Variants in GTF2IRD2B observed in about 807,000 individuals in gnomAD.
GTF2IRD2B encodes general transcription factor II-I repeat domain-containing protein 2B.
A neutral mutation model predicts 55.6 loss-of-function variants in GTF2IRD2B; 10 were observed. The observed-to-expected ratio is 0.18, with a 90% CI of 0.11 to 0.31. The LOEUF is 0.31. GTF2IRD2B is among the 10% of genes least tolerant of loss of function. The probability of loss-of-function intolerance (pLI) is 1.00; values close to 1 mark genes in which losing one functional copy is unlikely to be tolerated. For missense variants in GTF2IRD2B, 206 were observed against 802.7 expected, an observed-to-expected ratio of 0.26 and a Z score of 8.98; for synonymous variants, 107 against 320.5, an observed-to-expected ratio of 0.33 and a Z score of 7.12.
chr7:75,123,096 T>C lies in GTF2IRD2B; in HGVS notation c.359-40T>C, dbSNP rs781881441. 4 of 1,555,574 alleles carry C rather than the reference T, an allele frequency of 2.6e-6. No homozygotes were observed. The East Asian group carries it at 9.0e-5, about 35-fold the overall frequency. ...CAAAAAAAAAAAACTGGTAGAACGT[T>C]AGGTTCACACCATCCAAAGACGTTT... On this transcript the variant is annotated intron_variant, in intron 4 of 15. Coordinates refer to ENST00000472837, the MANE Select transcript of GTF2IRD2B (RefSeq NM_001003795.3).
rs148535389 is a variant in GTF2IRD2B, at chr7:75,148,242, G to A, written c.1795G>A (p.Val599Ile). Residue 599 changes from valine to isoleucine, a missense_variant, in exon 16 of 16, where the codon GTT (valine) becomes ATT (isoleucine). Transcript: ENST00000472837. ...ATCTGGCAACGAGATCTTTTTGCGT[G>A]TTGAGAAGAGCCTGAAAAAGTTCTG... The part of the protein sequence containing the change: ...TKSGNEIFLR[V>I]EKSLKKFCIN... 6.2e-6 allele frequency: 10 copies of A among 1,613,798 alleles called. No homozygotes were observed. In the African/African-American group the frequency reaches 1.1e-4, roughly 17 times the overall value.
Position 75,112,497 on chromosome 7 carries a change from A to C in GTF2IRD2B, c.200A>C (p.Asn67Thr). The C allele has an allele frequency of 3.5e-6, 3 of 850,030 alleles. No homozygotes were observed. Among genetic ancestry groups the C allele is most frequent in the Non-Finnish European group, 5.4e-6 (3 of 558,654 alleles). The allele number at this position is 850,030 out of a possible 1,614,324, so 52.7% of individuals were successfully genotyped here. The change falls in exon 3 of 16, where the codon AAT (asparagine) becomes ACT (threonine). Residue 67 changes from asparagine (N) to threonine (T), a missense_variant. Asn to Thr is a moderately conservative substitution (Grantham distance 65). Coordinates refer to ENST00000472837, the MANE Select transcript of GTF2IRD2B (RefSeq NM_001003795.3). ...VGTERGCAFV[N>T]ARTDFQKDFA... ...ACCGAGAGAGGATGCGCTTTTGTTA[A>C]TGCCAGGACGGATTTTCAGAAAGAT...
Position 75,149,317 on chromosome 7 carries a change from A to G in GTF2IRD2B, c.*20A>G. 1 of 739,006 alleles carries G rather than the reference A, an allele frequency of 1.4e-6. No homozygotes were observed. The highest frequency in any genetic ancestry group is 1.5e-5 in the South Asian group (1 of 67,254). The allele number at this position is 739,006 out of a possible 1,614,324, so 45.8% of individuals were successfully genotyped here. On this transcript the variant is annotated 3_prime_UTR_variant, in exon 16 of 16. Coordinates refer to ENST00000472837, the MANE Select transcript of GTF2IRD2B (RefSeq NM_001003795.3). ...ACGTGATGGAGAGAAAACTCCTGGC[A>G]GGGCCCTATGGTGGGAAAGGCTGGA...
At position 75,114,360 on chromosome 7, in the gene GTF2IRD2B, C is replaced by T. The variant is rs868993380; in HGVS notation, c.238+1825C>T. 3.2e-4 allele frequency among the ~76,000 whole-genome samples: 48 copies of T among 151,332 alleles called. 2 individuals are homozygous for T. Among genetic ancestry groups the T allele is most frequent in the Middle Eastern group, 6.8e-3 (2 of 292 alleles). On this transcript the variant is annotated intron_variant, in intron 3 of 15. Transcript: ENST00000472837. Reference sequence around the variant, plus strand: ...CATAGTTGCATGTTAATTTTGTTGTCGCAAATATTTTCTCTAGTATTCATC... The same window carrying T: ...CATAGTTGCATGTTAATTTTGTTGTTGCAAATATTTTCTCTAGTATTCATC...
intron 1 of GTF2IRD2B, among the ~76,000 whole-genome samples, chr7:75,101,428 C>T (rs1183081055): frequency 2.0e-5 from 3 of 150,200 alleles, no homozygotes; most frequent in African/African-American, 7.3e-5. Flanking sequence ...AGCTGAGTGT[C>T]GTGGCACATG....
At chr7:75,130,141 CTTT>C (rs1808624879) in intron 8 of GTF2IRD2B, among the ~76,000 whole-genome samples, 4 of 107,838 alleles carry the variant, frequency 3.7e-5, no homozygotes, top group Admixed American at 2.1e-4. Context: ...TTCTTTCTTT[CTTT>C]CTTTCCTTCT....
In GTF2IRD2B at chr7:75,105,457, T is replaced by G. The variant is rs1351372425; in HGVS notation, c.-5-3503T>G. 1.4e-4 allele frequency among the ~76,000 whole-genome samples: 22 copies of G among 152,390 alleles called. No individual in the cohort carries two copies. In the East Asian group the frequency reaches 1.5e-3, roughly 11 times the overall value. ...AGGCAGAGTTTGCAATGAGCTGAGATCGTGCCACTGCACTCTAGCCTGGGT... is the reference window on the plus strand; with the variant it reads ...AGGCAGAGTTTGCAATGAGCTGAGAGCGTGCCACTGCACTCTAGCCTGGGT... On this transcript the variant is annotated intron_variant, in intron 1 of 15. Coordinates refer to ENST00000472837, the MANE Select transcript of GTF2IRD2B (RefSeq NM_001003795.3).
At chr7:75,114,286 C>G (rs2115738475) in intron 3 of GTF2IRD2B, among the ~76,000 whole-genome samples, 1 of 151,540 alleles carries the variant, frequency 6.6e-6, no homozygotes, top group Non-Finnish European at 1.5e-5. Flanking sequence ...TGTCAGATGC[C>G]AGTTGAATTT....
chr7:75,132,727 A>G (rs1315354433), intron 8 of GTF2IRD2B, among the ~76,000 whole-genome samples: 1 of 145,322 alleles, frequency 6.9e-6, no homozygotes, highest in African/African-American at 2.8e-5. Context: ...TAATTTTTGT[A>G]GTTTTAGTAG....
chr7:75,102,209 G>T (rs1554449612), intron 1 of GTF2IRD2B, among the ~76,000 whole-genome samples: 1 of 151,188 alleles, frequency 6.6e-6, no homozygotes, highest in African/African-American at 2.4e-5. Context: ...CACCAAGTTG[G>T]CCAGGATGGT....
chr7:75,134,813 C>T (rs1195919644), intron 9 of GTF2IRD2B, among the ~76,000 whole-genome samples, 188 bp from the exon 10 acceptor site: 4 of 147,094 alleles, frequency 2.7e-5, no homozygotes, highest in Non-Finnish European at 4.4e-5. Context: ...GTGATCTGCC[C>T]GCCTCCACCT....
At chr7:75,127,193 C>G (rs1808546613) in intron 8 of GTF2IRD2B, among the ~76,000 whole-genome samples, 1 of 151,074 alleles carries the variant, frequency 6.6e-6, no homozygotes, top group African/African-American at 2.4e-5. Flanking sequence ...AGAAAACAAG[C>G]CTTGGCAGGG....
chr7:75,121,803 C>T lies in GTF2IRD2B; in HGVS notation c.358+793C>T, dbSNP rs587662098. ...TGAGGCAGAGTCTCGCTCTGTTGCCCGGGCTGGAGTGCAGTGGCTCAATCT... is the reference window on the plus strand; with the variant it reads ...TGAGGCAGAGTCTCGCTCTGTTGCCTGGGCTGGAGTGCAGTGGCTCAATCT... On this transcript the variant is annotated intron_variant, in intron 4 of 15. Transcript: ENST00000472837. Among the ~76,000 whole-genome samples the T allele has an allele frequency of 8.8e-4, 119 of 135,112 alleles. 1 individual carries two copies. Among genetic ancestry groups the T allele is most frequent in the Non-Finnish European group, 1.5e-3 (94 of 62,778 alleles). The allele number at this position is 135,112 out of a possible 152,430, so 88.6% of individuals were successfully genotyped here.
chr7:75,146,829 C>T (rs587704327), intron 15 of GTF2IRD2B: 24 of 145,618 alleles, frequency 1.6e-4, no homozygotes, highest in South Asian at 2.3e-4. Context: ...AGGCCTGGCA[C>T]GGTGGCTCCT....
At chr7:75,093,256 ATC>A (rs1455796332) in intron 1 of GTF2IRD2B, among the ~76,000 whole-genome samples, 1 of 151,364 alleles carries the variant, frequency 6.6e-6, no homozygotes, top group Non-Finnish European at 1.5e-5. Flanking sequence ...GCCTCCGGGG[ATC>A]TGTTTGTTGG....
Position 75,149,030 on chromosome 7 carries a change from G to A in GTF2IRD2B, c.2583G>A (p.Val861=). 2.5e-6 allele frequency: 2 copies of A among 785,166 alleles called. No individual in the cohort carries two copies. Among genetic ancestry groups the A allele is most frequent in the South Asian group, 1.3e-5 (1 of 74,624 alleles). The allele number at this position is 785,166 out of a possible 1,614,324, so 48.6% of individuals were successfully genotyped here. Residue 861 remains valine, a synonymous_variant, in exon 16 of 16, where the codon GTG becomes GTA. Transcript: ENST00000472837. ...CGTTCTCCACGAAGATCGACAGTGTGCACGAGGAGCTCCAGATGGAGGTTA... is the reference window on the plus strand; with the variant it reads ...CGTTCTCCACGAAGATCGACAGTGTACACGAGGAGCTCCAGATGGAGGTTA... ...SSPFSTKIDS[V]HEELQMEVID...
At chr7:75,103,526 A>G (rs1397664444) in intron 1 of GTF2IRD2B, among the ~76,000 whole-genome samples, 2 of 149,846 alleles carry the variant, frequency 1.3e-5, no homozygotes, top group Non-Finnish European at 3.0e-5. Context: ...GCCGTCCCCA[A>G]GTGAAGGGTG....
chr7:75,096,716 T>G (rs1807390891), intron 1 of GTF2IRD2B, among the ~76,000 whole-genome samples: 1 of 149,782 alleles, frequency 6.7e-6, no homozygotes, highest in African/African-American at 2.5e-5. Context: ...GTGAGCCACC[T>G]CGCCTGGCTA....
intron 8 of GTF2IRD2B, among the ~76,000 whole-genome samples, chr7:75,127,018 CAAA>C (rs1159282499): frequency 1.3e-5 from 1 of 75,008 alleles, no homozygotes; most frequent in African/African-American, 3.6e-5. Flanking sequence ...AAAACAAAAA[CAAA>C]AACAAAAAAA....
Sources: allele counts gnomAD v4.1 joint callset (sites outside exome capture counted in the v4.1 genomes callset), GRCh38; gene constraint gnomAD v4.1.1; transcripts MANE v1.5; gene names NCBI Gene and HGNC (gene_info 2026-07-23, HGNC 2026-07-21).